SLC16A1: variants seen among roughly 807,000 people sequenced by gnomAD.
SLC16A1 encodes monocarboxylate transporter 1.
SLC16A1 carries 11 observed loss-of-function variants against 32.2 expected under a neutral mutation model. The ratio of observed to expected loss-of-function variants is 0.34; its 90% CI spans 0.21 to 0.56. SLC16A1 has a LOEUF of 0.56. Among genes scored for constraint, SLC16A1 ranks in the 20% least tolerant of loss-of-function variants. The probability of loss-of-function intolerance (pLI) is 0.87; values close to 1 mark genes in which losing one functional copy is unlikely to be tolerated. For missense variants in SLC16A1, 435 were observed against 615.0 expected (o/e 0.71, Z 3.10); for synonymous variants, 231 against 226.8 (o/e 1.02, Z -0.17).
In SLC16A1 at chr1:112,914,001, C is replaced by G. The variant is rs1327755032; in HGVS notation, c.1393G>C (p.Glu465Gln). The change falls in exon 5 of 5, where the codon GAG (glutamate) becomes CAG (glutamine). Residue 465 changes from glutamate (E) to glutamine (Q), a missense_variant. Coordinates refer to ENST00000369626, the MANE Select transcript of SLC16A1 (RefSeq NM_003051.4). ...TTCCCAGCAACATCTATACTGGTCT[C>G]TTCCTCTTTACTTTCCTTTTTCTGC... ...NEQKKESKEE[E>Q]TSIDVAGKPN... 1.2e-6 allele frequency: 2 copies of G among 1,614,184 alleles called. No homozygotes were observed. Among genetic ancestry groups the G allele is most frequent in the Non-Finnish European group, 1.7e-6 (2 of 1,180,034 alleles).
chr1:112,935,239 A>AC (rs1457777478), intron 1 of SLC16A1, among the ~76,000 whole-genome samples: 2 of 152,002 alleles, frequency 1.3e-5, no homozygotes, highest in Non-Finnish European at 2.9e-5. Context: ...ACATGGTGAA[A>AC]CCCCATCTCT....
At chr1:112,925,379 T>C (rs1053664510) in intron 2 of SLC16A1, among the ~76,000 whole-genome samples, 9 of 141,532 alleles carry the variant, frequency 6.4e-5, no homozygotes, top group African/African-American at 2.4e-4. Context: ...CAAGTGGCCT[T>C]TCTTTTTTTT....
chr1:112,923,581 C>A, intron 2 of SLC16A1: 2 of 1,344,592 alleles, frequency 1.5e-6, no homozygotes, highest in Non-Finnish European at 2.1e-6. Flanking sequence ...GATACCAAGG[C>A]CAATCCATTG....
chr1:112,930,134 G>A (rs765952758), intron 1 of SLC16A1, among the ~76,000 whole-genome samples: 9 of 152,164 alleles, frequency 5.9e-5, no homozygotes, highest in Non-Finnish European at 1.0e-4. Flanking sequence ...GTGGTAACCC[G>A]ATTTATAGCT....
At position 112,927,339 on chromosome 1, in the gene SLC16A1, G is replaced by T. The variant is rs534478176; in HGVS notation, c.217+1753C>A. Among the ~76,000 whole-genome samples, 3 of 150,932 alleles carry T rather than the reference G, an allele frequency of 2.0e-5. No individual in the cohort carries two copies. The South Asian group carries it at 6.3e-4, about 31-fold the overall frequency. ...AAACAAACCAAAAGTAGGCAGGTAAGATCTCTTCCCCGCAAAATATACTTT... is the reference window on the plus strand; with the variant it reads ...AAACAAACCAAAAGTAGGCAGGTAATATCTCTTCCCCGCAAAATATACTTT... On this transcript the variant is annotated intron_variant, in intron 2 of 4. Coordinates refer to ENST00000369626, the MANE Select transcript of SLC16A1 (RefSeq NM_003051.4).
chr1:112,947,908 T>C (rs913628280), intron 1 of SLC16A1, among the ~76,000 whole-genome samples: 1 of 152,160 alleles, frequency 6.6e-6, no homozygotes, highest in Non-Finnish European at 1.5e-5. Context: ...ATTCTCTCCA[T>C]GGAAATCTTT....
At chr1:112,929,456 G>A (rs1649051080) in intron 1 of SLC16A1, 104 bp from the exon 2 acceptor site, 1 of 705,270 alleles carries the variant, frequency 1.4e-6, no homozygotes, top group Admixed American at 2.2e-5. Context: ...ATGCCTATTA[G>A]TAATCCCAGC....
At chr1:112,932,815 C>T (rs1334423058) in intron 1 of SLC16A1, among the ~76,000 whole-genome samples, 4 of 121,344 alleles carry the variant, frequency 3.3e-5, no homozygotes, top group Non-Finnish European at 7.1e-5. Flanking sequence ...AAAAAAAAGG[C>T]CTGTCTCTAA....
intron 1 of SLC16A1, among the ~76,000 whole-genome samples, chr1:112,933,713 A>C (rs1649213211): frequency 6.6e-6 from 1 of 152,192 alleles, no homozygotes; most frequent in African/African-American, 2.4e-5. Flanking sequence ...TCTAATACAT[A>C]CCTACTAAAA....
Position 112,948,892 on chromosome 1 carries a change from G to A in SLC16A1, c.-45+7143C>T, listed in dbSNP as rs572030180. On this transcript the variant is annotated intron_variant, in intron 1 of 4. Transcript: ENST00000369626. The stretch of plus-strand genomic sequence containing the variant: ...GTTGCCCAGGCTGGAGTGCAGTGGC[G>A]TGATCTCCGTTCACTGCAAGCTCCG... Among the ~76,000 whole-genome samples the A allele has an allele frequency of 2.2e-4, 33 of 152,106 alleles. 1 individual carries two copies. The East Asian group carries it at 6.4e-3, about 29-fold the overall frequency.
chr1:112,919,323 C>T (rs1265543141), intron 3 of SLC16A1, among the ~76,000 whole-genome samples: 1 of 152,112 alleles, frequency 6.6e-6, no homozygotes, highest in Non-Finnish European at 1.5e-5. Flanking sequence ...CGTAAGCCAC[C>T]GCACCCAGCC....
At chr1:112,939,180 C>G (rs1037145276) in intron 1 of SLC16A1, among the ~76,000 whole-genome samples, 1 of 152,076 alleles carries the variant, frequency 6.6e-6, no homozygotes, top group Non-Finnish European at 1.5e-5. Flanking sequence ...CGTGAGCCAC[C>G]GTGCCCGGCC....
chr1:112,949,237 C>T (rs1357713078), intron 1 of SLC16A1, among the ~76,000 whole-genome samples: 1 of 152,062 alleles, frequency 6.6e-6, no homozygotes, highest in Non-Finnish European at 1.5e-5. Flanking sequence ...TTAGTAAAGA[C>T]AGGGTTTCTC....
intron 1 of SLC16A1, among the ~76,000 whole-genome samples, chr1:112,953,728 T>C (rs1649981950): frequency 6.6e-6 from 1 of 152,192 alleles, no homozygotes; most frequent in Admixed American, 6.5e-5. Context: ...AGTGTTCATG[T>C]CTGGAATGTT....
chr1:112,948,080 C>T (rs988897625), intron 1 of SLC16A1, among the ~76,000 whole-genome samples: 3 of 152,012 alleles, frequency 2.0e-5, no homozygotes, highest in Non-Finnish European at 2.9e-5. Context: ...ATTAGCCAGG[C>T]GTGGTGGTAT....
chr1:112,940,206 T>C (rs1041080635), intron 1 of SLC16A1, among the ~76,000 whole-genome samples: 2 of 151,774 alleles, frequency 1.3e-5, no homozygotes, highest in Non-Finnish European at 2.9e-5. Context: ...CCTGGCTAAT[T>C]TTTGTATGTT....
Position 112,916,389 on chromosome 1 carries a change from T to C in SLC16A1, c.1228+789A>G, listed in dbSNP as rs560354274. ...GGTGGGCGCCTGTAATCACAGCTAC[T>C]TGGGAGGCTGAGGCAGGAGAATTGC... On this transcript the variant is annotated intron_variant, in intron 4 of 4. Transcript: ENST00000369626. Among the ~76,000 whole-genome samples, 9 of 149,644 alleles carry C rather than the reference T, an allele frequency of 6.0e-5. No homozygotes were observed. The East Asian group carries it at 1.2e-3, about 20-fold the overall frequency.
At chr1:112,923,035 T>C (rs1648793960) in intron 2 of SLC16A1, among the ~76,000 whole-genome samples, 1 of 151,890 alleles carries the variant, frequency 6.6e-6, no homozygotes, top group Non-Finnish European at 1.5e-5. Context: ...CTCAGCCTCC[T>C]GAAAGACAGG....
At chr1:112,918,438 C>T (rs1648596901) in intron 3 of SLC16A1, among the ~76,000 whole-genome samples, 1 of 152,120 alleles carries the variant, frequency 6.6e-6, no homozygotes, top group Admixed American at 6.5e-5. Context: ...CTAACAAAAT[C>T]ACCGGAAGGA....
Sources: gnomAD v4.1 joint callset for allele counts (sites outside exome capture counted in the v4.1 genomes callset) on GRCh38, gnomAD v4.1.1 for gene constraint, MANE v1.5 for transcripts, NCBI Gene and HGNC (gene_info 2026-07-23, HGNC 2026-07-21) for gene names.